CTNNA3: variants seen among roughly 807,000 people sequenced by gnomAD.
The protein encoded by CTNNA3 is catenin alpha-3.
Under a neutral mutation model 95.7 loss-of-function variants are expected in CTNNA3, and 76 were observed. The observed-to-expected ratio is 0.79, with a 90% CI of 0.66 to 0.96. The LOEUF is 0.96. Among genes scored for constraint, CTNNA3 ranks in the 40% least tolerant of loss-of-function variants. CTNNA3 has a pLI of 0.00. For synonymous variants in CTNNA3, 431 were observed against 374.4 expected, an observed-to-expected ratio of 1.15 and a Z score of -1.74; for missense variants, 1,191 against 1,089.8, an observed-to-expected ratio of 1.09 and a Z score of -1.31.
rs1359800639 is a variant in CTNNA3, at chr10:65,913,348, C to G, written c.*6982G>C. On this transcript the variant is annotated 3_prime_UTR_variant, in exon 18 of 18. Coordinates refer to ENST00000433211, the MANE Select transcript of CTNNA3 (RefSeq NM_013266.4). ...TTGCCCAAGAAAATTTTGTTTTAAG[C>G]CTCAATTATTAGGTACTAAATTGGG... 2 of 152,024 alleles carry G rather than the reference C, an allele frequency of 1.3e-5. No homozygotes were observed. Among genetic ancestry groups the G allele is most frequent in the African/African-American group, 4.8e-5 (2 of 41,380 alleles). The allele number at this position is 152,024 out of a possible 1,614,324, so 9.4% of individuals were successfully genotyped here. A position where few individuals can be genotyped will look rare whatever the true frequency, so the allele number is the denominator to read the frequency against.
intron 5 of CTNNA3, among the ~76,000 whole-genome samples, chr10:67,372,148 T>C (rs942824229): frequency 2.6e-5 from 4 of 152,134 alleles, no homozygotes; most frequent in Non-Finnish European, 5.9e-5. Context: ...GATGAGTAGA[T>C]TGCAAAAATT....
chr10:67,282,483 C>T (rs372216043), intron 5 of CTNNA3, among the ~76,000 whole-genome samples: 2 of 152,272 alleles, frequency 1.3e-5, no homozygotes, highest in Middle Eastern at 3.4e-3. Flanking sequence ...GAGAAGGAAG[C>T]GGATCTTCAT....
chr10:67,709,730 C>T (rs1841096627), intron 1 of CTNNA3, among the ~76,000 whole-genome samples: 1 of 151,912 alleles, frequency 6.6e-6, no homozygotes, highest in Non-Finnish European at 1.5e-5. Flanking sequence ...TTGGTTTACC[C>T]AGAACCCCTC....
chr10:65,995,355 C>T (rs1250858657), intron 15 of CTNNA3, among the ~76,000 whole-genome samples: 2 of 152,098 alleles, frequency 1.3e-5, no homozygotes, highest in African/African-American at 2.4e-5. Context: ...TCACAGGACA[C>T]TTTAGTTTGA....
intron 13 of CTNNA3, among the ~76,000 whole-genome samples, chr10:66,254,463 C>T (rs1434836394): frequency 6.6e-6 from 1 of 152,186 alleles, no homozygotes; most frequent in Non-Finnish European, 1.5e-5. Flanking sequence ...TAAGCTCCCA[C>T]TTTAAAGTCC....
chr10:67,432,477 A>G (rs1334463707), intron 5 of CTNNA3, among the ~76,000 whole-genome samples: 1 of 151,996 alleles, frequency 6.6e-6, no homozygotes, highest in Non-Finnish European at 1.5e-5. Flanking sequence ...GAGATGCTGT[A>G]AGAGAGAATC....
chr10:67,610,967 C>T (rs1311077538), intron 2 of CTNNA3, among the ~76,000 whole-genome samples: 1 of 152,082 alleles, frequency 6.6e-6, no homozygotes, highest in East Asian at 1.9e-4. Context: ...TAAATCTGTG[C>T]TAGGCTATAA....
intron 1 of CTNNA3, among the ~76,000 whole-genome samples, chr10:67,676,360 C>G (rs375956111): frequency 1.3e-5 from 2 of 152,010 alleles, no homozygotes; most frequent in East Asian, 3.8e-4. Flanking sequence ...CAGAACTGAA[C>G]AATTATAAAA....
intron 7 of CTNNA3, among the ~76,000 whole-genome samples, chr10:66,977,563 T>C (rs1180307087): frequency 6.6e-6 from 1 of 152,224 alleles, no homozygotes; most frequent in Non-Finnish European, 1.5e-5. Context: ...TATGCTTCAC[T>C]GTCACGTGTA....
At chr10:66,485,068 A>G (rs74965803) in intron 11 of CTNNA3, among the ~76,000 whole-genome samples, 216 of 152,248 alleles carry the variant, frequency 1.4e-3, no homozygotes, top group African/African-American at 2.6e-3. Flanking sequence ...CAAATTATGT[A>G]TAGGAGGAAT....
At chr10:67,510,002 G>T (rs1839560444) in intron 5 of CTNNA3, among the ~76,000 whole-genome samples, 1 of 152,192 alleles carries the variant, frequency 6.6e-6, no homozygotes, top group Non-Finnish European at 1.5e-5. Context: ...TTTGAAAAGT[G>T]TCTGTTCATA....
chr10:66,064,235 A>G (rs1158862533), intron 15 of CTNNA3, among the ~76,000 whole-genome samples: 1 of 152,150 alleles, frequency 6.6e-6, no homozygotes. Flanking sequence ...TATCACGTGA[A>G]CAGCATGGGG....
intron 8 of CTNNA3, among the ~76,000 whole-genome samples, chr10:66,773,593 G>A (rs555038387): frequency 2.0e-5 from 3 of 152,250 alleles, no homozygotes; most frequent in East Asian, 1.9e-4. Context: ...AAGTGAAAAC[G>A]GTACAGAAAA....
intron 7 of CTNNA3, among the ~76,000 whole-genome samples, chr10:66,918,678 G>T (rs957718559): frequency 6.6e-6 from 1 of 152,186 alleles, no homozygotes; most frequent in African/African-American, 2.4e-5. Flanking sequence ...AATGCAATGT[G>T]TGGGCTTTTT....
intron 17 of CTNNA3, among the ~76,000 whole-genome samples, chr10:65,932,491 G>T (rs989792477): frequency 4.6e-5 from 7 of 152,076 alleles, no homozygotes; most frequent in Non-Finnish European, 8.8e-5. Context: ...CCACTTATTA[G>T]ATAAGGTATC....
At chr10:66,438,144 G>T (rs753561149) in intron 11 of CTNNA3, among the ~76,000 whole-genome samples, 1 of 152,158 alleles carries the variant, frequency 6.6e-6, no homozygotes, top group Non-Finnish European at 1.5e-5. Flanking sequence ...ACCCCTGCTG[G>T]GAGGTGTTTC....
At chr10:67,488,255 CT>C (rs1348350277) in intron 5 of CTNNA3, among the ~76,000 whole-genome samples, 2 of 152,152 alleles carry the variant, frequency 1.3e-5, no homozygotes, top group Admixed American at 6.6e-5. Flanking sequence ...AAATAATTAA[CT>C]TTTGAAAGCA....
chr10:65,944,866 A>G (rs903943262), intron 17 of CTNNA3, among the ~76,000 whole-genome samples: 1 of 110,618 alleles, frequency 9.0e-6, no homozygotes, highest in Non-Finnish European at 2.2e-5. Context: ...CTATCTATCT[A>G]TCTATCTATC....
chr10:66,825,140 T>C (rs1842455173), intron 7 of CTNNA3, among the ~76,000 whole-genome samples: 1 of 150,666 alleles, frequency 6.6e-6, no homozygotes, highest in Admixed American at 6.6e-5. Context: ...AGCACATTCA[T>C]AAGCACTTAG....
Sources: gnomAD v4.1 joint callset for allele counts (sites outside exome capture counted in the v4.1 genomes callset) on GRCh38, gnomAD v4.1.1 for gene constraint, MANE v1.5 for transcripts, NCBI Gene and HGNC (gene_info 2026-07-23, HGNC 2026-07-21) for gene names.